Variants in SH3D19 observed in about 807,000 individuals in gnomAD.
SH3D19 encodes SH3 domain containing 19.
SH3D19 carries 58 observed loss-of-function variants against 112.1 expected under a neutral mutation model. The ratio of observed to expected loss-of-function variants is 0.52; its 90% CI spans 0.42 to 0.64. SH3D19 has a LOEUF of 0.64. Among genes scored for constraint, SH3D19 ranks in the 30% least tolerant of loss-of-function variants. The pLI, the probability that SH3D19 is intolerant of heterozygous loss-of-function variation, is 0.00. For synonymous variants in SH3D19, 391 were observed against 448.5 expected, an observed-to-expected ratio of 0.87 and a Z score of 1.62; for missense variants, 1,090 against 1,263.4, an observed-to-expected ratio of 0.86 and a Z score of 2.08.
chr4:151,300,537 G>A (rs1014434902), intron 1 of SH3D19: 1 of 150,810 alleles, frequency 6.6e-6, no homozygotes, highest in South Asian at 2.1e-4. Flanking sequence ...TCAGCAACAC[G>A]TATACTAAAA....
At chr4:151,301,213 C>T (rs923700953) in intron 1 of SH3D19, among the ~76,000 whole-genome samples, 1 of 152,142 alleles carries the variant, frequency 6.6e-6, no homozygotes, top group African/African-American at 2.4e-5. Context: ...ACAGAGTTCT[C>T]GTGAGATCTG....
At chr4:151,146,176 T>C (rs1374755448) in intron 11 of SH3D19, among the ~76,000 whole-genome samples, 1 of 152,182 alleles carries the variant, frequency 6.6e-6, no homozygotes, top group East Asian at 1.9e-4. Flanking sequence ...GAAAAAATAA[T>C]TACTGGCTCA....
intron 19 of SH3D19, among the ~76,000 whole-genome samples, chr4:151,124,360 GC>G (rs970940441): frequency 6.6e-6 from 1 of 151,958 alleles, no homozygotes; most frequent in Non-Finnish European, 1.5e-5. Context: ...ACTCACCTTG[GC>G]CTCCCAAAGT....
intron 1 of SH3D19, among the ~76,000 whole-genome samples, chr4:151,319,412 G>A (rs1730323564): frequency 6.6e-6 from 1 of 152,202 alleles, no homozygotes; most frequent in African/African-American, 2.4e-5. Context: ...TCTACTCATA[G>A]TTTCCATGGA....
intron 1 of SH3D19, among the ~76,000 whole-genome samples, chr4:151,237,090 T>C (rs1389621437): frequency 6.6e-6 from 1 of 152,118 alleles, no homozygotes; most frequent in Non-Finnish European, 1.5e-5. Context: ...GTGTTGCCTT[T>C]ATGAGCTGTA....
chr4:151,191,580 G>GTGTTCC (rs1762635340), intron 2 of SH3D19, among the ~76,000 whole-genome samples: 1 of 152,136 alleles, frequency 6.6e-6, no homozygotes, highest in Non-Finnish European at 1.5e-5. Context: ...CCTGTACAAG[G>GTGTTCC]CATGTAAGTA....
At chr4:151,224,816 C>T (rs11730087) in intron 2 of SH3D19, among the ~76,000 whole-genome samples, 139,962 of 152,226 alleles carry the variant, frequency 0.92, 64,550 homozygotes, top group Non-Finnish European at 0.95. Context: ...CAAGTAGCTG[C>T]GATTACAGGT....
intron 1 of SH3D19, among the ~76,000 whole-genome samples, chr4:151,247,768 T>A: frequency 6.6e-6 from 1 of 152,352 alleles, no homozygotes; most frequent in Non-Finnish European, 1.5e-5. Context: ...ATAGCGGAGA[T>A]AAATCTTGGA....
intron 4 of SH3D19, among the ~76,000 whole-genome samples, chr4:151,178,249 T>C (rs1346461631): frequency 6.6e-6 from 1 of 152,238 alleles, no homozygotes; most frequent in Non-Finnish European, 1.5e-5. Flanking sequence ...ACAGCAACTG[T>C]GTGACCCTGA....
intron 8 of SH3D19, among the ~76,000 whole-genome samples, chr4:151,161,771 T>A (rs1385004333): frequency 7.6e-6 from 1 of 131,936 alleles, no homozygotes; most frequent in African/African-American, 2.5e-5. Flanking sequence ...CCTCTTTTTT[T>A]TTTTTTTTTT....
At chr4:151,239,413 G>GT (rs200251701) in intron 1 of SH3D19, among the ~76,000 whole-genome samples, 3,697 of 150,768 alleles carry the variant, frequency 0.025, 122 homozygotes, top group African/African-American at 0.082. Flanking sequence ...TGTTGTTTTT[G>GT]TTTTTTTTTA....
chr4:151,207,192 G>T (rs1765246264), intron 2 of SH3D19, among the ~76,000 whole-genome samples: 1 of 152,106 alleles, frequency 6.6e-6, no homozygotes, highest in African/African-American at 2.4e-5. Context: ...AGATTTAGTA[G>T]CAGTGCATCA....
intron 17 of SH3D19, 63 bp downstream of exon 17, chr4:151,132,268 T>C (rs1293432693): frequency 7.5e-7 from 1 of 1,336,344 alleles, no homozygotes; most frequent in African/African-American, 1.5e-5. Context: ...AAATTATGAT[T>C]TTAATATTCC....
chr4:151,262,421 C>T (rs1205856349), intron 1 of SH3D19: 1 of 152,214 alleles, frequency 6.6e-6, no homozygotes, highest in African/African-American at 2.4e-5. Flanking sequence ...CGGAGTTGAG[C>T]TCATCATCAG....
chr4:151,218,859 C>T (rs1478814413), intron 2 of SH3D19, among the ~76,000 whole-genome samples: 1 of 152,148 alleles, frequency 6.6e-6, no homozygotes, highest in Non-Finnish European at 1.5e-5. Flanking sequence ...GTGAAAGCAG[C>T]CCAAGATGAT....
intron 12 of SH3D19, among the ~76,000 whole-genome samples, chr4:151,142,854 GCT>G (rs1753248321): frequency 6.6e-6 from 1 of 152,140 alleles, no homozygotes; most frequent in Non-Finnish European, 1.5e-5. Flanking sequence ...ATCACCAATA[GCT>G]GCCCATCAGA....
At chr4:151,198,328 A>AT (rs1488116907) in intron 2 of SH3D19, among the ~76,000 whole-genome samples, 18 of 67,150 alleles carry the variant, frequency 2.7e-4, no homozygotes, top group South Asian at 1.1e-3. Flanking sequence ...ATATATATAT[A>AT]ATATAAAAAT....
chr4:151,288,215 A>G (rs1449678425), intron 1 of SH3D19, among the ~76,000 whole-genome samples: 1 of 152,242 alleles, frequency 6.6e-6, no homozygotes, highest in African/African-American at 2.4e-5. Flanking sequence ...AGGTCAGGAA[A>G]GAGACAAGGA....
intron 9 of SH3D19, among the ~76,000 whole-genome samples, chr4:151,151,259 T>A (rs1755021264): frequency 6.6e-6 from 1 of 152,044 alleles, no homozygotes; most frequent in Non-Finnish European, 1.5e-5. Flanking sequence ...CCACACCCAG[T>A]CCCTCAATAA....
Sources: allele counts gnomAD v4.1 joint callset (sites outside exome capture counted in the v4.1 genomes callset), GRCh38; gene constraint gnomAD v4.1.1; transcripts MANE v1.5; gene names NCBI Gene and HGNC (gene_info 2026-07-23, HGNC 2026-07-21).